PTPRD: variants seen among roughly 807,000 people sequenced by gnomAD.
The protein encoded by PTPRD is protein tyrosine phosphatase receptor type D.
A neutral mutation model predicts 214.5 loss-of-function variants in PTPRD; 34 were observed. The ratio of observed to expected loss-of-function variants is 0.16; its 90% CI spans 0.12 to 0.21. The LOEUF (loss-of-function observed/expected upper bound fraction) is 0.21. PTPRD is among the 10% of genes least tolerant of loss of function. The pLI, the probability that PTPRD is intolerant of heterozygous loss-of-function variation, is 1.00. For missense variants in PTPRD, 2,545 were observed against 2,398.7 expected (o/e 1.06, Z -1.27); for synonymous variants, 1,128 against 845.7 (o/e 1.33, Z -5.79).
chr9:8,396,648 A>C (rs1164056430), intron 36 of PTPRD, among the ~76,000 whole-genome samples: 1 of 152,204 alleles, frequency 6.6e-6, no homozygotes, highest in Non-Finnish European at 1.5e-5. Flanking sequence ...ACAGCCAGCC[A>C]GCCCTTAAAA....
intron 5 of PTPRD, among the ~76,000 whole-genome samples, chr9:9,849,341 C>A (rs2060120675): frequency 6.6e-6 from 1 of 151,876 alleles, no homozygotes; most frequent in African/African-American, 2.4e-5. Flanking sequence ...GCAATTAACC[C>A]AGGCATCAAA....
intron 11 of PTPRD, among the ~76,000 whole-genome samples, chr9:8,741,551 T>C (rs887715969): frequency 6.7e-6 from 1 of 148,782 alleles, no homozygotes; most frequent in Non-Finnish European, 1.5e-5. Context: ...TCTATTATTT[T>C]AATCTCAGGC....
chr9:9,650,870 T>C (rs1014077438), intron 7 of PTPRD, among the ~76,000 whole-genome samples: 2 of 152,100 alleles, frequency 1.3e-5, no homozygotes, highest in Admixed American at 1.3e-4. Flanking sequence ...GGAATATATA[T>C]AAATAATTAG....
Position 9,175,094 on chromosome 9 carries a change from A to G in PTPRD, c.-143+8210T>C, listed in dbSNP as rs72696831. 1.1e-3 allele frequency among the ~76,000 whole-genome samples: 162 copies of G among 152,274 alleles called. 1 individual carries two copies. The highest frequency in any genetic ancestry group is 2.0e-3 in the Non-Finnish European group (134 of 68,020). ...CTCACCAGACACCAAATTTGCCAGC[A>G]CTTTGGTCTTAGACTTTCAGCCTCC... On this transcript the variant is annotated intron_variant, in intron 10 of 45. Transcript: ENST00000381196.
intron 9 of PTPRD, among the ~76,000 whole-genome samples, chr9:9,366,350 A>G (rs998617459): frequency 3.3e-5 from 5 of 151,678 alleles, no homozygotes; most frequent in Middle Eastern, 3.4e-3. Context: ...TTATAAATAA[A>G]CAGCACTGAC....
intron 5 of PTPRD, among the ~76,000 whole-genome samples, chr9:9,779,953 G>T (rs76819236): frequency 5.3e-5 from 8 of 152,066 alleles, no homozygotes; most frequent in African/African-American, 1.2e-4. Context: ...AGACACATAC[G>T]CTCATATGTT....
chr9:8,525,994 G>GA (rs2074006267), intron 17 of PTPRD, among the ~76,000 whole-genome samples: 1 of 152,004 alleles, frequency 6.6e-6, no homozygotes, highest in Non-Finnish European at 1.5e-5. Flanking sequence ...AAGAAGTGGG[G>GA]AAAAAAGCAT....
intron 5 of PTPRD, among the ~76,000 whole-genome samples, chr9:9,788,054 G>T (rs1043703238): frequency 6.6e-6 from 1 of 151,538 alleles, no homozygotes; most frequent in Non-Finnish European, 1.5e-5. Flanking sequence ...AAAGTGCTGG[G>T]ATTACAGGCG....
At position 8,315,104 on chromosome 9, in the gene PTPRD, T is replaced by C. The variant is rs1018538161; in HGVS notation, c.*2770A>G. The C allele has an allele frequency of 8.6e-6, 2 of 232,578 alleles. No homozygotes were observed. The highest frequency in any genetic ancestry group is 1.7e-5 in the Non-Finnish European group (2 of 117,356). The allele number at this position is 232,578 out of a possible 1,614,324, so 14.4% of individuals were successfully genotyped here. ...TGAAAATAACTGGAAACTTGAAAGCTTGTGGTAATGGCAGATAAAGATGGT... is the reference window on the plus strand; with the variant it reads ...TGAAAATAACTGGAAACTTGAAAGCCTGTGGTAATGGCAGATAAAGATGGT... On this transcript the variant is annotated 3_prime_UTR_variant, in exon 46 of 46. Transcript: ENST00000381196.
At chr9:8,966,930 A>C (rs2099199257) in intron 11 of PTPRD, among the ~76,000 whole-genome samples, 1 of 151,752 alleles carries the variant, frequency 6.6e-6, no homozygotes, top group African/African-American at 2.4e-5. Context: ...ACAAACAAAC[A>C]AACAACAAAA....
chr9:10,419,436 G>A (rs376297927), intron 2 of PTPRD, among the ~76,000 whole-genome samples: 1 of 151,524 alleles, frequency 6.6e-6, no homozygotes, highest in Admixed American at 6.6e-5. Context: ...ATCAAATTAT[G>A]GCCATTATAA....
At chr9:9,762,468 C>T (rs1262620675) in intron 6 of PTPRD, among the ~76,000 whole-genome samples, 1 of 152,092 alleles carries the variant, frequency 6.6e-6, no homozygotes, top group East Asian at 1.9e-4. Context: ...ACAGTTTGTT[C>T]TTCAATTCCT....
intron 7 of PTPRD, among the ~76,000 whole-genome samples, chr9:9,697,350 T>A (rs183753265): frequency 9.1e-4 from 139 of 152,236 alleles, no homozygotes; most frequent in African/African-American, 2.9e-3. Flanking sequence ...CCTACAGAAT[T>A]TCTTGTAAGA....
At chr9:10,300,480 T>C (rs986152604) in intron 3 of PTPRD, among the ~76,000 whole-genome samples, 17 of 152,142 alleles carry the variant, frequency 1.1e-4, no homozygotes, top group African/African-American at 2.9e-4. Flanking sequence ...GGGTCCCCCC[T>C]CCACCACCCG....
intron 11 of PTPRD, among the ~76,000 whole-genome samples, chr9:8,845,612 G>C (rs1181555715): frequency 6.6e-6 from 1 of 152,232 alleles, no homozygotes; most frequent in South Asian, 2.1e-4. Flanking sequence ...CACCCAGCAA[G>C]TACATCAAAA....
At chr9:9,836,056 A>T (rs906774501) in intron 5 of PTPRD, among the ~76,000 whole-genome samples, 3 of 152,186 alleles carry the variant, frequency 2.0e-5, no homozygotes, top group Admixed American at 6.6e-5. Context: ...TACTGCTCAC[A>T]TCTTTCTGGA....
chr9:10,194,204 T>C (rs2099386724), intron 3 of PTPRD, among the ~76,000 whole-genome samples: 1 of 151,958 alleles, frequency 6.6e-6, no homozygotes, highest in African/African-American at 2.4e-5. Flanking sequence ...CTCTTTATTC[T>C]GGACTGTCCC....
intron 39 of PTPRD, among the ~76,000 whole-genome samples, chr9:8,367,207 A>T (rs1039828140): frequency 6.6e-6 from 1 of 151,888 alleles, no homozygotes; most frequent in African/African-American, 2.4e-5. Context: ...TATTTAAAAT[A>T]AGAGTTGCAT....
At chr9:9,743,513 C>T (rs1015591358) in intron 6 of PTPRD, among the ~76,000 whole-genome samples, 4 of 151,990 alleles carry the variant, frequency 2.6e-5, no homozygotes, top group African/African-American at 9.7e-5. Flanking sequence ...TTAGATAATC[C>T]TGGACTTCAT....
Sources: allele counts gnomAD v4.1 joint callset (sites outside exome capture counted in the v4.1 genomes callset), GRCh38; gene constraint gnomAD v4.1.1; transcripts MANE v1.5; gene names NCBI Gene and HGNC (gene_info 2026-07-23, HGNC 2026-07-21).